Variants in GRIA4 observed in about 807,000 individuals in gnomAD.
The protein encoded by GRIA4 is glutamate receptor 4.
GRIA4 carries 34 observed loss-of-function variants against 104.0 expected under a neutral mutation model. The ratio of observed to expected loss-of-function variants is 0.33; its 90% confidence interval spans 0.25 to 0.44. The LOEUF is 0.44. GRIA4 is among the 20% of genes least tolerant of loss of function. The probability of loss-of-function intolerance (pLI) is 1.00; values close to 1 mark genes in which losing one functional copy is unlikely to be tolerated. For synonymous variants in GRIA4, 386 were observed against 381.9 expected, an observed-to-expected ratio of 1.01 and a Z score of -0.13; for missense variants, 750 against 1,096.5, an observed-to-expected ratio of 0.68 and a Z score of 4.46.
At chr11:105,942,250 C>CA (rs930034910) in intron 14 of GRIA4, among the ~76,000 whole-genome samples, 36 of 150,788 alleles carry the variant, frequency 2.4e-4, no homozygotes, top group Admixed American at 7.3e-4. Context: ...AGGACTAAAA[C>CA]AAAAAAAACA....
intron 14 of GRIA4, among the ~76,000 whole-genome samples, chr11:105,947,814 CTT>C (rs1219340936): frequency 6.6e-6 from 1 of 152,104 alleles, no homozygotes; most frequent in African/African-American, 2.4e-5. Flanking sequence ...TTTTTTGTCA[CTT>C]TTTAAAATTT....
At chr11:105,682,189 T>C (rs1952732182) in intron 3 of GRIA4, among the ~76,000 whole-genome samples, 1 of 152,194 alleles carries the variant, frequency 6.6e-6, no homozygotes, top group African/African-American at 2.4e-5. Flanking sequence ...TAAAAATGTG[T>C]TGAAGTAATG....
At chr11:105,686,472 C>CTA (rs1205114257) in intron 3 of GRIA4, among the ~76,000 whole-genome samples, 1 of 152,096 alleles carries the variant, frequency 6.6e-6, no homozygotes, top group Non-Finnish European at 1.5e-5. Context: ...TCTAGTCAAC[C>CTA]CTTGATGGGC....
intron 15 of GRIA4, 106 bp from the exon 16 acceptor site, chr11:105,974,204 G>T: frequency 2.8e-6 from 3 of 1,089,414 alleles, no homozygotes; most frequent in Non-Finnish European, 4.1e-6. Flanking sequence ...ATCATTTCAG[G>T]TTAAATTAAG....
At chr11:105,863,710 C>T (rs992269558) in intron 5 of GRIA4, among the ~76,000 whole-genome samples, 2 of 152,148 alleles carry the variant, frequency 1.3e-5, no homozygotes, top group Admixed American at 6.6e-5. Context: ...CACAGAGCAG[C>T]CAATTCTAAG....
At chr11:105,787,752 T>C (rs1241775792) in intron 4 of GRIA4, among the ~76,000 whole-genome samples, 1 of 152,098 alleles carries the variant, frequency 6.6e-6, no homozygotes, top group Non-Finnish European at 1.5e-5. Context: ...CTGATGAAGA[T>C]GGGGGGAATC....
intron 6 of GRIA4, among the ~76,000 whole-genome samples, chr11:105,890,354 G>A (rs1437280325): frequency 2.0e-5 from 3 of 152,098 alleles, no homozygotes; most frequent in African/African-American, 7.2e-5. Flanking sequence ...CTTCATAATG[G>A]TCTTTAAATT....
intron 4 of GRIA4, among the ~76,000 whole-genome samples, chr11:105,768,978 A>G (rs146617844): frequency 2.0e-3 from 311 of 152,236 alleles, no homozygotes; most frequent in African/African-American, 7.0e-3. Context: ...AAGGAAAGGC[A>G]TTCCAAGGAG....
At chr11:105,907,580 TTTCTG>T (rs1023557949) in intron 9 of GRIA4, among the ~76,000 whole-genome samples, 1 of 152,194 alleles carries the variant, frequency 6.6e-6, no homozygotes, top group African/African-American at 2.4e-5. Flanking sequence ...CACAAAGCTC[TTTCTG>T]AAGTCCCAGC....
chr11:105,763,867 T>C (rs1181467005), intron 4 of GRIA4, among the ~76,000 whole-genome samples: 1 of 152,228 alleles, frequency 6.6e-6, no homozygotes, highest in East Asian at 1.9e-4. Context: ...GTACACATTA[T>C]TCTCTGTCAC....
chr11:105,802,289 G>A (rs150739658), intron 4 of GRIA4, among the ~76,000 whole-genome samples: 9 of 152,256 alleles, frequency 5.9e-5, no homozygotes, highest in East Asian at 3.9e-4. Flanking sequence ...TGGACCAGGA[G>A]ATGTTGAAAC....
intron 3 of GRIA4, among the ~76,000 whole-genome samples, chr11:105,729,247 A>C (rs1938425003): frequency 1.3e-5 from 2 of 152,206 alleles, no homozygotes; most frequent in South Asian, 4.1e-4. Context: ...AAACTAGAAA[A>C]TCTAGGGGAA....
intron 4 of GRIA4, among the ~76,000 whole-genome samples, chr11:105,821,505 A>G (rs1453231602): frequency 6.6e-6 from 1 of 151,792 alleles, no homozygotes; most frequent in Non-Finnish European, 1.5e-5. Flanking sequence ...GCAAAGGGAG[A>G]GCCGGTGTCT....
chr11:105,941,999 C>CA (rs1264181514), intron 14 of GRIA4, among the ~76,000 whole-genome samples: 11 of 152,178 alleles, frequency 7.2e-5, no homozygotes, highest in Admixed American at 5.9e-4. Flanking sequence ...ACTAGAACCA[C>CA]AAAAAATCAT....
At chr11:105,842,880 T>A (rs1361019894) in intron 4 of GRIA4, 1 of 152,220 alleles carries the variant, frequency 6.6e-6, no homozygotes, top group Non-Finnish European at 1.5e-5. Flanking sequence ...AATATGATGC[T>A]AAGAGAAAAA....
At chr11:105,891,286 C>T (rs1030066999) in intron 6 of GRIA4, among the ~76,000 whole-genome samples, 1 of 152,136 alleles carries the variant, frequency 6.6e-6, no homozygotes, top group South Asian at 2.1e-4. Context: ...CTTGCTAATA[C>T]GTGTCTCACT....
At chr11:105,957,701 C>T (rs1247896881) in intron 14 of GRIA4, among the ~76,000 whole-genome samples, 2 of 152,126 alleles carry the variant, frequency 1.3e-5, no homozygotes, top group Non-Finnish European at 1.5e-5. Flanking sequence ...TCACCTTGGG[C>T]AGTATGGCCA....
At chr11:105,637,767 G>T (rs1007502642) in intron 3 of GRIA4, among the ~76,000 whole-genome samples, 8 of 151,988 alleles carry the variant, frequency 5.3e-5, no homozygotes, top group African/African-American at 1.9e-4. Flanking sequence ...TCATATTCGA[G>T]GGCTATTATA....
intron 5 of GRIA4, among the ~76,000 whole-genome samples, chr11:105,879,184 C>A (rs559237684): frequency 1.3e-5 from 2 of 152,264 alleles, no homozygotes; most frequent in Admixed American, 6.5e-5. Context: ...TGAGGTGACA[C>A]CCCACCCTGC....
Sources: gnomAD v4.1 joint callset for allele counts (sites outside exome capture counted in the v4.1 genomes callset) on GRCh38, gnomAD v4.1.1 for gene constraint, MANE v1.5 for transcripts, NCBI Gene and HGNC (gene_info 2026-07-23, HGNC 2026-07-21) for gene names.